Variants in UGT1A8 observed in about 807,000 individuals in gnomAD.
UGT1A8 encodes UDP glucuronosyltransferase family 1 member A8.
A neutral mutation model predicts 45.3 loss-of-function variants in UGT1A8; 39 were observed. The observed-to-expected ratio is 0.86, with a 90% confidence interval of 0.67 to 1.12. The LOEUF (loss-of-function observed/expected upper bound fraction) is 1.12. UGT1A8 is among the 50% of genes most tolerant of loss of function. The pLI is 0.00. For synonymous variants in UGT1A8, 275 were observed against 249.2 expected, an observed-to-expected ratio of 1.10 and a Z score of -0.97; for missense variants, 719 against 664.9, an observed-to-expected ratio of 1.08 and a Z score of -0.90.
In UGT1A8 at chr2:233,635,471, A is replaced by G. The variant is rs537989173; in HGVS notation, c.855+16909A>G. Among the ~76,000 whole-genome samples, 19 of 150,888 alleles carry G rather than the reference A, an allele frequency of 1.3e-4. No homozygotes were observed. The Admixed American group carries it at 1.3e-3, about 10-fold the overall frequency. ...CTGTCGTATACTTTTAAACAATCAAATCTCATGAGAAATCACTCACAATTG... is the reference window on the plus strand; with the variant it reads ...CTGTCGTATACTTTTAAACAATCAAGTCTCATGAGAAATCACTCACAATTG... On this transcript the variant is annotated intron_variant, in intron 1 of 4. Transcript: ENST00000373450.
At chr2:233,753,987 C>A (rs1695364762) in intron 1 of UGT1A8, among the ~76,000 whole-genome samples, 1 of 152,156 alleles carries the variant, frequency 6.6e-6, no homozygotes, top group African/African-American at 2.4e-5. Context: ...TTTTAAGCCA[C>A]CAAGTTTGGG....
At chr2:233,759,599 A>ACCCCCCCCCCCCCCCCC (rs1553620419) in intron 1 of UGT1A8, among the ~76,000 whole-genome samples, 1 of 108,732 alleles carries the variant, frequency 9.2e-6, no homozygotes, top group African/African-American at 3.3e-5. Flanking sequence ...CCCACCCCCG[A>ACCCCCCCCCCCCCCCCC]CCCGCCCCAC....
intron 1 of UGT1A8, among the ~76,000 whole-genome samples, chr2:233,764,866 A>AAAAGGGAGG (rs45477695): frequency 0.13 from 19,804 of 152,100 alleles, 1,413 homozygotes; most frequent in East Asian, 0.2. Context: ...CTTTTAGATG[A>AAAAGGGAGG]GCCCAAGGGA....
chr2:233,631,920 C>T (rs1385005074), intron 1 of UGT1A8, among the ~76,000 whole-genome samples: 1 of 152,044 alleles, frequency 6.6e-6, no homozygotes, highest in Non-Finnish European at 1.5e-5. Context: ...ATGCCTATTT[C>T]CTGAATGGTA....
chr2:233,683,479 T>G (rs2074636324), intron 1 of UGT1A8, among the ~76,000 whole-genome samples: 2 of 152,142 alleles, frequency 1.3e-5, no homozygotes, highest in African/African-American at 4.8e-5. Context: ...ATTTTCATAT[T>G]TTTGCTTTTA....
chr2:233,674,776 G>A (rs767228184), intron 1 of UGT1A8, among the ~76,000 whole-genome samples: 34 of 152,132 alleles, frequency 2.2e-4, no homozygotes, highest in Non-Finnish European at 4.4e-5. Flanking sequence ...TAAAGCCAGC[G>A]GAGTTCTCAC....
chr2:233,663,467 G>A (rs1235596400), intron 1 of UGT1A8, among the ~76,000 whole-genome samples: 1 of 152,136 alleles, frequency 6.6e-6, no homozygotes, highest in Admixed American at 6.5e-5. Flanking sequence ...AGATGAGCCA[G>A]TTTATTGATC....
chr2:233,617,684 G>T lies in UGT1A8; in HGVS notation c.-24G>T. ...ATCATAGCAGCTTAGAATCCCAGCT[G>T]CTGGCTCGGGCTGCAGTTCTCTCAT... On this transcript the variant is annotated 5_prime_UTR_variant, in exon 1 of 5. Transcript: ENST00000373450. 3 of 1,599,564 alleles carry T rather than the reference G, an allele frequency of 1.9e-6. No individual in the cohort carries two copies. The highest frequency in any genetic ancestry group is 1.7e-6 in the Non-Finnish European group (2 of 1,171,782).
intron 1 of UGT1A8, among the ~76,000 whole-genome samples, chr2:233,652,242 C>T (rs909182709): frequency 6.6e-6 from 1 of 152,178 alleles, no homozygotes; most frequent in African/African-American, 2.4e-5. Flanking sequence ...AAGTCCAAGG[C>T]CTCTCACCAG....
Position 233,729,755 on chromosome 2 carries a change from G to T in UGT1A8, c.856-37279G>T, listed in dbSNP as rs2077920089. 1 of 1,613,802 alleles carries T rather than the reference G, an allele frequency of 6.2e-7. No homozygotes were observed. The highest frequency in any genetic ancestry group is 8.5e-7 in the Non-Finnish European group (1 of 1,179,862). On this transcript the variant is annotated intron_variant, in intron 1 of 4. Transcript: ENST00000373450. ...TCAGACCACATGACATTCATGCAAA[G>T]GGTCAAGAACATGCTCTACCCTCTG...
Position 233,618,505 on chromosome 2 carries a change from G to T in UGT1A8, c.798G>T (p.Met266Ile). 6.2e-7 allele frequency: 1 copy of T among 1,613,816 alleles called. No individual in the cohort carries two copies. The highest frequency in any genetic ancestry group is 2.2e-5 in the East Asian group (1 of 44,884). The part of the protein sequence containing the change: ...DFVLDYPKPV[M>I]PNMIFIGGIN... ...TTTTGGACTATCCCAAACCCGTGAT[G>T]CCCAATATGATCTTCATTGGTGGTA... The change falls in exon 1 of 5, where the codon ATG becomes ATT. Residue 266 changes from methionine to isoleucine, a missense_variant. Coordinates refer to ENST00000373450, the MANE Select transcript of UGT1A8 (RefSeq NM_019076.5).
At chr2:233,749,153 G>A (rs530115797) in intron 1 of UGT1A8, among the ~76,000 whole-genome samples, 14 of 151,714 alleles carry the variant, frequency 9.2e-5, no homozygotes, top group Non-Finnish European at 1.3e-4. Flanking sequence ...TCCATGACTT[G>A]ATCCTTTTGT....
At chr2:233,763,196 G>C (rs1166459393) in intron 1 of UGT1A8, among the ~76,000 whole-genome samples, 1 of 152,152 alleles carries the variant, frequency 6.6e-6, no homozygotes, top group Non-Finnish European at 1.5e-5. Context: ...TGCCTTGTTT[G>C]GTGCAGTCAG....
chr2:233,751,726 T>C (rs148405152), intron 1 of UGT1A8, among the ~76,000 whole-genome samples: 37 of 152,334 alleles, frequency 2.4e-4, no homozygotes, highest in Admixed American at 6.5e-4. Context: ...AAGTGAACTC[T>C]TCCTCTCTGT....
At chr2:233,720,408 G>T (rs886330987) in intron 1 of UGT1A8, among the ~76,000 whole-genome samples, 1 of 152,092 alleles carries the variant, frequency 6.6e-6, no homozygotes, top group African/African-American at 2.4e-5. Context: ...GTGGGTGGAA[G>T]GGACTAGGGA....
At chr2:233,747,140 A>T in intron 1 of UGT1A8, 1 of 1,552,466 alleles carries the variant, frequency 6.4e-7, no homozygotes. Context: ...GTGACAAGGT[A>T]ATTAAGATGA....
chr2:233,620,956 G>A (rs546225538), intron 1 of UGT1A8, among the ~76,000 whole-genome samples: 2 of 152,296 alleles, frequency 1.3e-5, no homozygotes, highest in East Asian at 3.9e-4. Context: ...TAGAGTATGT[G>A]TTTGCACATG....
chr2:233,648,032 T>A (rs2073646117), intron 1 of UGT1A8: 2 of 1,596,892 alleles, frequency 1.3e-6, no homozygotes, highest in East Asian at 4.5e-5. Flanking sequence ...AGTTGGCAAC[T>A]GGGAAGATCA....
chr2:233,772,831 T>TCACACAAGAAAG lies in UGT1A8; in HGVS notation c.*273_*274insACACAAGAAAGC. 2 of 893,952 alleles carry TCACACAAGAAAG rather than the reference T, an allele frequency of 2.2e-6. No individual in the cohort carries two copies. Among genetic ancestry groups the TCACACAAGAAAG allele is most frequent in the Non-Finnish European group, 3.1e-6 (2 of 642,656 alleles). 55.4% of individuals were successfully genotyped at this position (893,952 alleles called of 1,614,324 possible). A position where few individuals can be genotyped will look rare whatever the true frequency, so the allele number is the denominator to read the frequency against. On this transcript the variant is annotated 3_prime_UTR_variant, in exon 5 of 5. Transcript: ENST00000373450. ...AGAGGACGTGCAGACAGGCTGGCAT[T>TCACACAAGAAAG]CTAGATTACTTTTCTTACTCTGAAA...
Sources: gnomAD v4.1 joint callset for allele counts (sites outside exome capture counted in the v4.1 genomes callset) on GRCh38, gnomAD v4.1.1 for gene constraint, MANE v1.5 for transcripts, NCBI Gene and HGNC (gene_info 2026-07-23, HGNC 2026-07-21) for gene names.